The following ZNF157 variants were observed in gnomAD, a reference collection of about 807,000 sequenced individuals.
ZNF157 encodes zinc finger protein 157.
ZNF157 carries 8 observed loss-of-function variants against 9.4 expected under a neutral mutation model. That is an observed-to-expected ratio of 0.85 (90% confidence interval 0.50 to 1.53). The LOEUF is 1.53. ZNF157 is among the 40% of genes most tolerant of loss of function. The probability of loss-of-function intolerance (pLI) is 0.00; values close to 1 mark genes in which losing one functional copy is unlikely to be tolerated. For missense variants in ZNF157, 316 were observed against 385.2 expected (o/e 0.82, Z 1.50); for synonymous variants, 120 against 130.8 (o/e 0.92, Z 0.56).
intron 1 of ZNF157, among the ~76,000 whole-genome samples, chrX:47,407,006 G>T (rs2055949277): frequency 8.9e-6 from 1 of 111,921 alleles, no homozygotes; most frequent in African/African-American, 3.2e-5. Context: ...TCTTTATCAG[G>T]TTAAAGAAGT....
chrX:47,374,745 G>A (rs1466079261), intron 1 of ZNF157, among the ~76,000 whole-genome samples: 30 of 58,117 alleles, frequency 5.2e-4, no homozygotes, highest in Middle Eastern at 0.021. Flanking sequence ...GTCTCGATCT[G>A]TCACCCAGGC....
At chrX:47,371,211 A>C (rs1051537556) in intron 1 of ZNF157, among the ~76,000 whole-genome samples, 1 of 109,551 alleles carries the variant, frequency 9.1e-6, no homozygotes, top group Admixed American at 9.9e-5. Context: ...TGTGGCACGC[A>C]CCTGTACTCC....
intron 1 of ZNF157, among the ~76,000 whole-genome samples, chrX:47,387,367 C>G (rs977527277): frequency 1.8e-5 from 2 of 110,284 alleles, no homozygotes; most frequent in Non-Finnish European, 1.9e-5. Flanking sequence ...AGGTGATCCA[C>G]CTGCCTCAGC....
At chrX:47,386,856 G>A (rs762092459) in intron 1 of ZNF157, among the ~76,000 whole-genome samples, 2 of 111,615 alleles carry the variant, frequency 1.8e-5, no homozygotes, top group South Asian at 7.5e-4. Flanking sequence ...ATACGTATTA[G>A]AATAAAAGGA....
intron 1 of ZNF157, among the ~76,000 whole-genome samples, chrX:47,378,380 G>T (rs1309895203): frequency 8.9e-6 from 1 of 111,840 alleles, no homozygotes; most frequent in Non-Finnish European, 1.9e-5. Flanking sequence ...GAACAATTTG[G>T]CTAGAGTCAG....
intron 1 of ZNF157, among the ~76,000 whole-genome samples, chrX:47,387,765 T>C (rs1259316743): frequency 3.8e-5 from 4 of 105,863 alleles, no homozygotes; most frequent in Non-Finnish European, 5.8e-5. Context: ...TAGCCAGGCA[T>C]GGTGGCACAT....
At chrX:47,382,282 CTTT>C (rs764704009) in intron 1 of ZNF157, among the ~76,000 whole-genome samples, 3 of 53,357 alleles carry the variant, frequency 5.6e-5, no homozygotes, top group Non-Finnish European at 9.2e-5. Flanking sequence ...TTCAACAGAA[CTTT>C]TTTTTTTTTT....
At chrX:47,382,454 C>T (rs1569257033) in intron 1 of ZNF157, among the ~76,000 whole-genome samples, 2 of 106,662 alleles carry the variant, frequency 1.9e-5, no homozygotes, top group Admixed American at 1.0e-4. Flanking sequence ...CTCCTGACCT[C>T]GTGATCCGCC....
intron 1 of ZNF157, among the ~76,000 whole-genome samples, chrX:47,407,454 A>C (rs2055950487): frequency 8.9e-6 from 1 of 111,816 alleles, no homozygotes; most frequent in Non-Finnish European, 1.9e-5. Flanking sequence ...TGAAACTATC[A>C]AGGCCTGGGA....
chrX:47,375,971 C>T (rs1478845243), intron 1 of ZNF157, among the ~76,000 whole-genome samples: 3 of 112,051 alleles, frequency 2.7e-5, no homozygotes, highest in Non-Finnish European at 5.6e-5. Flanking sequence ...CTGGGATTTA[C>T]AGATGTGAGC....
At chrX:47,377,271 C>T (rs2055847585) in intron 1 of ZNF157, among the ~76,000 whole-genome samples, 1 of 100,250 alleles carries the variant, frequency 1.0e-5, no homozygotes, top group Non-Finnish European at 2.0e-5. Context: ...AACTCTGATC[C>T]CCAAATGCTC....
At chrX:47,402,685 G>T (rs1438366717) in intron 1 of ZNF157, among the ~76,000 whole-genome samples, 1 of 107,567 alleles carries the variant, frequency 9.3e-6, no homozygotes, top group Non-Finnish European at 1.9e-5. Context: ...GTCTACAGGC[G>T]CCCGCCACCA....
In ZNF157 at chrX:47,375,869, A is replaced by AT. The variant is rs1461136127; in HGVS notation, c.72+5135dup. ...CCACCATGTCTGGCTAATTTTCAGT[A>AT]TTTTTTATAGAGACACGGTTTTACC... On this transcript the variant is annotated intron_variant, in intron 1 of 3. Coordinates refer to ENST00000377073, the MANE Select transcript of ZNF157 (RefSeq NM_003446.4). Among the ~76,000 whole-genome samples, 5 of 110,729 alleles carry AT rather than the reference A, an allele frequency of 4.5e-5. No individual in the cohort carries two copies. The South Asian group carries it at 1.1e-3, about 25-fold the overall frequency.
intron 1 of ZNF157, chrX:47,390,929 T>C (rs147515398): frequency 8.9e-6 from 1 of 112,381 alleles, no homozygotes; most frequent in East Asian, 2.8e-4. Flanking sequence ...TCTTACATTC[T>C]TTTTGTCAAT....
intron 1 of ZNF157, among the ~76,000 whole-genome samples, chrX:47,371,108 C>T (rs1288123775): frequency 9.0e-6 from 1 of 111,442 alleles, no homozygotes; most frequent in Admixed American, 9.6e-5. Flanking sequence ...GAGGCCGAGG[C>T]GGGTGGATCA....
chrX:47,383,371 C>CAAAAAA (rs35133137), intron 1 of ZNF157, among the ~76,000 whole-genome samples: 1 of 18,824 alleles, frequency 5.3e-5, no homozygotes, highest in Non-Finnish European at 1.5e-4. Flanking sequence ...GACTCAGTCT[C>CAAAAAA]AAAAAAAAAA....
chrX:47,373,595 T>G (rs372936856), intron 1 of ZNF157, among the ~76,000 whole-genome samples: 53 of 111,458 alleles, frequency 4.8e-4, no homozygotes, highest in African/African-American at 1.6e-3. Flanking sequence ...CTATATGTCC[T>G]GGGCCATAAA....
chrX:47,398,435 C>T (rs1303564871), intron 1 of ZNF157, among the ~76,000 whole-genome samples: 1 of 111,905 alleles, frequency 8.9e-6, no homozygotes, highest in Non-Finnish European at 1.9e-5. Flanking sequence ...TGGTGGATTT[C>T]CTTTGTTGCA....
chrX:47,381,225 G>A (rs1462984076), intron 1 of ZNF157, among the ~76,000 whole-genome samples: 1 of 109,453 alleles, frequency 9.1e-6, no homozygotes, highest in Non-Finnish European at 1.9e-5. Flanking sequence ...AGCAGCAGGA[G>A]GAAGAGGAGC....
Sources: allele counts gnomAD v4.1 joint callset (sites outside exome capture counted in the v4.1 genomes callset), GRCh38; gene constraint gnomAD v4.1.1; transcripts MANE v1.5; gene names NCBI Gene and HGNC (gene_info 2026-07-23, HGNC 2026-07-21).